The following ZPBP variants were observed in gnomAD, a reference collection of about 807,000 sequenced individuals.
The protein encoded by ZPBP is zona pellucida binding protein.
A neutral mutation model predicts 44.8 loss-of-function variants in ZPBP; 26 were observed. The ratio of observed to expected loss-of-function variants is 0.58; its 90% CI spans 0.43 to 0.81. The LOEUF (loss-of-function observed/expected upper bound fraction) is 0.81, where lower values mean the gene tolerates loss of function less well. Among genes scored for constraint, ZPBP ranks in the 30% least tolerant of loss-of-function variants. The pLI, the probability that ZPBP is intolerant of heterozygous loss-of-function variation, is 0.00. For missense variants in ZPBP, 409 were observed against 434.0 expected (o/e 0.94, Z 0.51); for synonymous variants, 174 against 153.2 (o/e 1.14, Z -1.00).
intron 2 of ZPBP, among the ~76,000 whole-genome samples, chr7:49,893,445 AT>A (rs1365617234): frequency 1.3e-5 from 2 of 152,024 alleles, no homozygotes; most frequent in African/African-American, 4.8e-5. Context: ...ACAAAATTTG[AT>A]TTTTTTCGTG....
Position 49,911,918 on chromosome 7 carries a change from T to TACATGCAC in ZPBP, n.412-10704_412-10703insGTGCATGT, listed in dbSNP as rs1452800334. The TACATGCAC allele has an allele frequency of 8.5e-5, 19 of 223,016 alleles. No homozygotes were observed. The African/African-American group carries it at 9.7e-4, about 11-fold the overall frequency. 13.8% of individuals were successfully genotyped at this position (223,016 alleles called of 1,614,324 possible). A position where few individuals can be genotyped will look rare whatever the true frequency, so the allele number is the denominator to read the frequency against. On this transcript the variant is annotated intron_variant and non_coding_transcript_variant, in intron 1 of 2. Transcript: ENST00000465922. ...TCTCAAAAACAAACAAACAAACAAA[T>TACATGCAC]ACACGCACACACACACACACACACA... is the stretch of plus-strand genomic sequence containing the variant.
At chr7:49,890,136 A>G (rs1306401195) in intron 2 of ZPBP, among the ~76,000 whole-genome samples, 1 of 152,234 alleles carries the variant, frequency 6.6e-6, no homozygotes, top group Admixed American at 6.5e-5. Flanking sequence ...CAGAGGGAAT[A>G]TTAACACAGA....
intron 2 of ZPBP, among the ~76,000 whole-genome samples, chr7:49,900,003 T>C (rs952591813): frequency 6.6e-6 from 1 of 151,798 alleles, no homozygotes; most frequent in Non-Finnish European, 1.5e-5. Flanking sequence ...AAATTAGATA[T>C]CAGTAATAGA....
intron 2 of ZPBP, among the ~76,000 whole-genome samples, chr7:49,899,902 A>T (rs956494082): frequency 2.6e-5 from 4 of 151,986 alleles, no homozygotes; most frequent in Admixed American, 6.6e-5. Flanking sequence ...AACCCTTACT[A>T]AGATAGACCA....
chr7:50,082,605 T>A (rs968204399), intron 2 of ZPBP, among the ~76,000 whole-genome samples: 6 of 151,756 alleles, frequency 4.0e-5, no homozygotes, highest in African/African-American at 1.2e-4. Flanking sequence ...ATACAAAGAT[T>A]TCTGTGATCG....
At chr7:49,901,713 A>AT (rs1234513623) in intron 1 of ZPBP, among the ~76,000 whole-genome samples, 2 of 151,870 alleles carry the variant, frequency 1.3e-5, no homozygotes, top group Non-Finnish European at 2.9e-5. Context: ...TGGAGGGGCA[A>AT]AAGACCTAGA....
intron 6 of ZPBP, among the ~76,000 whole-genome samples, chr7:49,991,712 A>G (rs1312338937): frequency 6.6e-6 from 1 of 152,146 alleles, no homozygotes; most frequent in Non-Finnish European, 1.5e-5. Context: ...TTTAAGTAGT[A>G]TATTTCTCAC....
intron 2 of ZPBP, among the ~76,000 whole-genome samples, chr7:49,880,621 T>C (rs1342392488): frequency 6.6e-6 from 1 of 152,008 alleles, no homozygotes; most frequent in East Asian, 1.9e-4. Flanking sequence ...CTTTAAGTTC[T>C]AGGGTACATG....
At chr7:49,969,303 A>G (rs970739098) in intron 7 of ZPBP, among the ~76,000 whole-genome samples, 15 of 150,786 alleles carry the variant, frequency 9.9e-5, no homozygotes, top group East Asian at 5.8e-4. Context: ...AAGTTATAAC[A>G]TAACAAGTTT....
intron 4 of ZPBP, 89 bp downstream of exon 4, chr7:50,057,900 A>C: frequency 8.0e-7 from 1 of 1,246,196 alleles, no homozygotes; most frequent in South Asian, 1.4e-5. Context: ...TAAAAATAAC[A>C]AAGTCCCTTT....
intron 7 of ZPBP, among the ~76,000 whole-genome samples, chr7:49,968,087 A>T (rs553074945): frequency 3.3e-4 from 50 of 152,214 alleles, no homozygotes; most frequent in Non-Finnish European, 6.2e-4. Context: ...TTTAGAACTA[A>T]TTTTTTAAAA....
intron 7 of ZPBP, among the ~76,000 whole-genome samples, chr7:49,963,685 T>C (rs1380060868): frequency 6.6e-6 from 1 of 151,766 alleles, no homozygotes; most frequent in Non-Finnish European, 1.5e-5. Context: ...ATGTTTAAAA[T>C]TAAAATTACA....
At position 50,089,613 on chromosome 7, in the gene ZPBP, A is replaced by T; in HGVS notation, c.208+16T>A. On this transcript the variant is annotated intron_variant, in intron 2 of 7. Coordinates refer to ENST00000046087, the MANE Select transcript of ZPBP (RefSeq NM_007009.3). ...TAATAACTTTTAAAAATTAGTGAAA[A>T]TATATTTATGAATACCTGGAAAACT... The T allele has an allele frequency of 6.4e-7, 1 of 1,573,488 alleles. No homozygotes were observed. The highest frequency in any genetic ancestry group is 8.7e-7 in the Non-Finnish European group (1 of 1,148,690).
chr7:49,918,550 C>G (rs529601793), intron 1 of ZPBP: 3 of 152,220 alleles, frequency 2.0e-5, no homozygotes, highest in East Asian at 3.9e-4. Context: ...AGTATTGAAG[C>G]ATCAGGTTGT....
intron 1 of ZPBP, among the ~76,000 whole-genome samples, chr7:49,932,273 TG>T (rs1217564344): frequency 1.3e-5 from 2 of 152,106 alleles, no homozygotes; most frequent in Non-Finnish European, 2.9e-5. Context: ...ACCATGCACC[TG>T]GAAAAGCCAC....
At chr7:50,031,022 A>G in intron 5 of ZPBP, 70 bp downstream of exon 5, 1 of 1,318,708 alleles carries the variant, frequency 7.6e-7, no homozygotes, top group Non-Finnish European at 1.1e-6. Flanking sequence ...TGCTGTGAGT[A>G]ATTAACAACT....
rs1409342840 is a variant in ZPBP at position 50,082,944 on chromosome 7, C to T, written c.209-1045G>A. Among the ~76,000 whole-genome samples the T allele has an allele frequency of 2.0e-5, 3 of 151,836 alleles. No individual in the cohort carries two copies. In the East Asian group the frequency reaches 5.8e-4, roughly 29 times the overall value. On this transcript the variant is annotated intron_variant, in intron 2 of 7. Coordinates refer to ENST00000046087, the MANE Select transcript of ZPBP (RefSeq NM_007009.3). ...CTCAGCATGATTTACTGGCCCTACT[C>T]TCCATGATCTTTTGCATATATCTCA...
chr7:49,982,285 A>ATATTATATATTTATAT (rs1300838197), intron 7 of ZPBP, among the ~76,000 whole-genome samples: 5 of 50,856 alleles, frequency 9.8e-5, no homozygotes, highest in African/African-American at 2.2e-4. Flanking sequence ...ATTTATAATT[A>ATATTATATATTTATAT]TACATAATAT....
At chr7:49,941,541 T>C (rs1794884942) in intron 7 of ZPBP, among the ~76,000 whole-genome samples, 1 of 152,120 alleles carries the variant, frequency 6.6e-6, no homozygotes, top group Non-Finnish European at 1.5e-5. Flanking sequence ...AATAGTTCCA[T>C]TTAAAATACA....
Sources: gnomAD v4.1 joint callset for allele counts (sites outside exome capture counted in the v4.1 genomes callset) on GRCh38, gnomAD v4.1.1 for gene constraint, MANE v1.5 for transcripts, NCBI Gene and HGNC (gene_info 2026-07-23, HGNC 2026-07-21) for gene names.